SLC18A1: variants seen among roughly 807,000 people sequenced by gnomAD.
SLC18A1 encodes solute carrier family 18 member A1.
Under a neutral mutation model 53.7 loss-of-function variants are expected in SLC18A1, and 69 were observed. That is an observed-to-expected ratio of 1.28 (90% CI 1.06 to 1.57). SLC18A1 has a LOEUF of 1.57. SLC18A1 is among the 40% of genes most tolerant of loss of function. SLC18A1 has a pLI of 0.00. For missense variants in SLC18A1, 932 were observed against 668.1 expected (o/e 1.40, Z -4.35); for synonymous variants, 320 against 248.1 (o/e 1.29, Z -2.72).
At chr8:20,175,951 T>C (rs939324903) in intron 4 of SLC18A1, 4 of 152,118 alleles carry the variant, frequency 2.6e-5, no homozygotes, top group African/African-American at 9.7e-5. Flanking sequence ...GAGAATAGAG[T>C]GACCCACTCA....
intron 10 of SLC18A1, among the ~76,000 whole-genome samples, chr8:20,164,273 C>A (rs1381952372): frequency 3.9e-5 from 6 of 152,042 alleles, no homozygotes; most frequent in Non-Finnish European, 7.4e-5. Flanking sequence ...GCTGCATGAA[C>A]AAAGGAAGCT....
chr8:20,150,610 G>A lies in SLC18A1; in HGVS notation c.1094+56C>T, dbSNP rs146968671. 9.7e-5 allele frequency: 137 copies of A among 1,416,136 alleles called. No individual in the cohort carries two copies. The African/African-American group carries it at 1.3e-3, about 13-fold the overall frequency. 87.7% of individuals were successfully genotyped at this position (1,416,136 alleles called of 1,614,324 possible). A position where few individuals can be genotyped will look rare whatever the true frequency, so the allele number is the denominator to read the frequency against. On this transcript the variant is annotated intron_variant, in intron 11 of 15. Coordinates refer to ENST00000276373, the MANE Select transcript of SLC18A1 (RefSeq NM_003053.4). The stretch of plus-strand genomic sequence containing the variant: ...TGTTCATCATTCCAAGATCAGGAAC[G>A]GGCGCTCTTCCATCTTACATTTCTA...
At chr8:20,159,465 A>C (rs1450350678) in intron 10 of SLC18A1, among the ~76,000 whole-genome samples, 2 of 152,008 alleles carry the variant, frequency 1.3e-5, no homozygotes, top group Non-Finnish European at 2.9e-5. Flanking sequence ...ATTAGGCTAA[A>C]AGCAGGAGGT....
intron 4 of SLC18A1, among the ~76,000 whole-genome samples, chr8:20,177,719 G>A (rs953029974): frequency 2.6e-5 from 4 of 152,150 alleles, no homozygotes; most frequent in Non-Finnish European, 5.9e-5. Context: ...CAGGGCCATC[G>A]GGAACCAAGG....
At chr8:20,148,102 C>T (rs1422042715) in intron 12 of SLC18A1, 32 bp from the exon 13 acceptor site, 2 of 1,603,920 alleles carry the variant, frequency 1.2e-6, no homozygotes, top group Admixed American at 1.7e-5. Context: ...GTCATCAGGA[C>T]TCCAGATGGG....
rs574908814 is a variant in SLC18A1, at chr8:20,147,360, G to C, written c.1362C>G (p.Ala454=). ...TGACCATGAGCCAGGGAAAACCGATGGCCTTTACAATGGCACCACCGGTGG... is the reference window on the plus strand; with the variant it reads ...TGACCATGAGCCAGGGAAAACCGATCGCCTTTACAATGGCACCACCGGTGG... The part of the protein sequence containing the change: ...GPSTGGAIVK[A]IGFPWLMVIT... Residue 454 remains alanine (A), a synonymous_variant, in exon 15 of 16, where the codon GCC becomes GCG. Transcript: ENST00000276373. The C allele has an allele frequency of 1.9e-6, 3 of 1,612,838 alleles. No individual in the cohort carries two copies. The highest frequency in any genetic ancestry group is 2.5e-6 in the Non-Finnish European group (3 of 1,179,710).
At chr8:20,156,902 C>A (rs1444278167) in intron 10 of SLC18A1, among the ~76,000 whole-genome samples, 5 of 152,174 alleles carry the variant, frequency 3.3e-5, no homozygotes, top group African/African-American at 1.2e-4. Flanking sequence ...GATGGGGCAA[C>A]TGGGTTGCGC....
At chr8:20,163,422 G>A (rs1344584172) in intron 10 of SLC18A1, among the ~76,000 whole-genome samples, 1 of 152,272 alleles carries the variant, frequency 6.6e-6, no homozygotes, top group African/African-American at 2.4e-5. Context: ...GTCACAATCA[G>A]TAAGTGACGT....
chr8:20,153,250 T>A (rs2071603761), intron 10 of SLC18A1, among the ~76,000 whole-genome samples: 1 of 152,104 alleles, frequency 6.6e-6, no homozygotes, highest in African/African-American at 2.4e-5. Flanking sequence ...ATGGCTCAGT[T>A]ACAGACAAGG....
chr8:20,162,062 C>T (rs1386814739), intron 10 of SLC18A1, among the ~76,000 whole-genome samples: 1 of 152,176 alleles, frequency 6.6e-6, no homozygotes, highest in African/African-American at 2.4e-5. Flanking sequence ...CCACTTGCAC[C>T]CTCCAGAGTG....
At chr8:20,148,656 A>C (rs931026012) in intron 12 of SLC18A1, 5 of 404,418 alleles carry the variant, frequency 1.2e-5, no homozygotes, top group South Asian at 1.8e-5. Flanking sequence ...CCCAACAAAA[A>C]CCCCTTCTTC....
At position 20,179,422 on chromosome 8, in the gene SLC18A1, G is replaced by C; in HGVS notation, c.187C>G (p.Leu63Val). 6.2e-7 allele frequency: 1 copy of C among 1,614,074 alleles called. No individual in the cohort carries two copies. The highest frequency in any genetic ancestry group is 1.7e-5 in the Admixed American group (1 of 60,024). The change falls in exon 3 of 16, where the codon CTC becomes GTC. Residue 63 changes from leucine (L) to valine (V), a missense_variant. Leu to Val is a conservative substitution (Grantham distance 32, BLOSUM62 1). Transcript: ENST00000276373. ...EFKEVNSSLH[L>V]GHAGSSPHAL... ...TGTGGGGAACTTCCGGCATGGCCGA[G>C]GTGCAGAGAAGAGTTGACTTCTTTG...
rs144753539 is a variant in SLC18A1 at position 20,155,794 on chromosome 8, G to A, written c.1016-5050C>T. On this transcript the variant is annotated intron_variant, in intron 10 of 15. Transcript: ENST00000276373. ...AGGGGATCTAAGGAAGCTCTACACT[G>A]TGTCCTTAGGCACCAAGGCTATGAA... is the stretch of plus-strand genomic sequence containing the variant. 3.1e-4 allele frequency among the ~76,000 whole-genome samples: 47 copies of A among 152,164 alleles called. No homozygotes were observed. The East Asian group carries it at 3.9e-3, about 13-fold the overall frequency.
At chr8:20,177,589 G>A (rs6982009) in intron 4 of SLC18A1, among the ~76,000 whole-genome samples, 31,205 of 151,990 alleles carry the variant, frequency 0.21, 3,354 homozygotes, top group African/African-American at 0.23. Flanking sequence ...GTATACATAC[G>A]TAACAAACCT....
intron 10 of SLC18A1, 162 bp from the exon 11 acceptor site, chr8:20,150,906 A>G (rs2071536348): frequency 1.6e-6 from 1 of 638,348 alleles, no homozygotes; most frequent in East Asian, 2.8e-5. Context: ...AGTAGTTGCC[A>G]TAGGACCCCC....
At chr8:20,149,768 G>T in intron 11 of SLC18A1, 41 bp from the exon 12 acceptor site, 2 of 1,578,388 alleles carry the variant, frequency 1.3e-6, no homozygotes, top group Non-Finnish European at 8.7e-7. Context: ...CTAGGGGAGA[G>T]CTCCCCTCCA....
intron 1 of SLC18A1, chr8:20,181,660 T>G (rs2128881486): frequency 6.6e-6 from 1 of 152,338 alleles, no homozygotes; most frequent in African/African-American, 2.4e-5. Context: ...AAAAAAAGTA[T>G]GACCTTTGTT....
chr8:20,162,129 C>T (rs2071845986), intron 10 of SLC18A1, among the ~76,000 whole-genome samples: 1 of 152,180 alleles, frequency 6.6e-6, no homozygotes, highest in African/African-American at 2.4e-5. Context: ...TTGAGGGGCA[C>T]TGCACTGAAA....
chr8:20,168,709 C>T (rs890101258), intron 8 of SLC18A1, among the ~76,000 whole-genome samples: 13 of 152,256 alleles, frequency 8.5e-5, no homozygotes, highest in Middle Eastern at 3.4e-3. Context: ...GCTGGGATTA[C>T]GGTGTGCACC....
Sources: allele counts gnomAD v4.1 joint callset (sites outside exome capture counted in the v4.1 genomes callset), GRCh38; gene constraint gnomAD v4.1.1; transcripts MANE v1.5; gene names NCBI Gene and HGNC (gene_info 2026-07-23, HGNC 2026-07-21).